PDILT: variants seen among roughly 807,000 people sequenced by gnomAD.
The protein encoded by PDILT is protein disulfide isomerase like, testis expressed, also known as protein disulfide-isomerase-like protein of the testis.
Under a neutral mutation model 53.7 loss-of-function variants are expected in PDILT, and 43 were observed. The ratio of observed to expected loss-of-function variants is 0.80; its 90% CI spans 0.63 to 1.03. The LOEUF is 1.03. Among genes scored for constraint, PDILT ranks in the 50% least tolerant of loss-of-function variants. The probability of loss-of-function intolerance (pLI) is 0.00; values close to 1 mark genes in which losing one functional copy is unlikely to be tolerated. For synonymous variants in PDILT, 282 were observed against 274.2 expected (o/e 1.03, Z -0.28); for missense variants, 727 against 712.3 (o/e 1.02, Z -0.24).
At chr16:20,376,350 T>C (rs1161073555) in intron 3 of PDILT, 149 bp from the exon 4 acceptor site, 1 of 845,126 alleles carries the variant, frequency 1.2e-6, no homozygotes, top group Non-Finnish European at 1.8e-6. Context: ...CATTCCCCTC[T>C]TCCCCAAGCT....
intron 11 of PDILT, among the ~76,000 whole-genome samples, chr16:20,360,197 G>A (rs1966077393): frequency 1.3e-5 from 2 of 152,136 alleles, no homozygotes; most frequent in South Asian, 4.1e-4. Context: ...TCCAGCAGAG[G>A]GCCTCACTGA....
In PDILT at chr16:20,359,356, A is replaced by G; in HGVS notation, c.1718T>C (p.Val573Ala). The G allele has an allele frequency of 6.2e-7, 1 of 1,614,128 alleles. No individual in the cohort carries two copies. The highest frequency in any genetic ancestry group is 8.5e-7 in the Non-Finnish European group (1 of 1,180,040). Reference protein sequence around the residue: ...VVVAKPKGPPVQKKKPKVKEE... With the variant: ...VVVAKPKGPPAQKKKPKVKEE... ...CTTGACTTTTGGTTTCTTCTTTTGC[A>G]CTGGAGGTCCCTTTGGCTTAGCCAC... The change falls in exon 12 of 12, where the codon GTG becomes GCG. Residue 573 changes from valine (V) to alanine (A), a missense_variant. Physicochemically the swap from Val to Ala is moderately conservative, Grantham distance 64. Transcript: ENST00000302451.
chr16:20,376,195 A>T lies in PDILT; in HGVS notation c.416T>A (p.Val139Asp), dbSNP rs200629155. Residue 139 changes from valine to aspartate, a missense_variant, in exon 4 of 12, where the codon GTT becomes GAT. Val to Asp is a radical substitution (Grantham distance 152, BLOSUM62 -3). Coordinates refer to ENST00000302451, the MANE Select transcript of PDILT (RefSeq NM_174924.2). Reference protein sequence around the residue: ...RSEPISCKGVVESAALVVWLR... With the variant: ...RSEPISCKGVDESAALVVWLR... ...CCAAACGACTAAGGCAGCAGATTCA[A>T]CCACTCCTGGAGAAAGACACAGTCA... is the stretch of plus-strand genomic sequence containing the variant. 20 of 1,614,154 alleles carry T rather than the reference A, an allele frequency of 1.2e-5. No homozygotes were observed. The Admixed American group carries it at 3.2e-4, about 26-fold the overall frequency.
At chr16:20,375,457 G>A (rs1379440556) in intron 4 of PDILT, among the ~76,000 whole-genome samples, 3 of 152,190 alleles carry the variant, frequency 2.0e-5, no homozygotes, top group East Asian at 3.8e-4. Flanking sequence ...CTACTGGGAG[G>A]AGAGAAGTCA....
chr16:20,368,601 T>G (rs1001980800), intron 8 of PDILT, among the ~76,000 whole-genome samples: 1 of 110,570 alleles, frequency 9.0e-6, no homozygotes, highest in Non-Finnish European at 2.3e-5. Flanking sequence ...AGACTTTTTT[T>G]GGGGGGGTGG....
chr16:20,384,552 G>A, intron 3 of PDILT, 93 bp downstream of exon 3: 1 of 1,471,200 alleles, frequency 6.8e-7, no homozygotes, highest in Non-Finnish European at 9.4e-7. Context: ...TCCCCGAGAA[G>A]CTGCATGGAG....
intron 2 of PDILT, among the ~76,000 whole-genome samples, chr16:20,388,527 A>G (rs552993812): frequency 2.6e-5 from 4 of 152,352 alleles, no homozygotes; most frequent in Non-Finnish European, 5.9e-5. Context: ...CTTCTGTTCC[A>G]GGTGGTTCCC....
intron 7 of PDILT, among the ~76,000 whole-genome samples, chr16:20,370,454 C>G (rs1275002396): frequency 6.6e-6 from 1 of 152,158 alleles, no homozygotes; most frequent in Admixed American, 6.5e-5. Context: ...CACATTTCAG[C>G]TGGGACATAG....
intron 11 of PDILT, 29 bp from the exon 12 acceptor site, chr16:20,359,596 G>T: frequency 6.3e-7 from 1 of 1,589,350 alleles, no homozygotes; most frequent in South Asian, 1.1e-5. Flanking sequence ...AAGGAAGAAG[G>T]GAGGGAGGGA....
Position 20,374,919 on chromosome 16 carries a change from A to C in PDILT, c.584T>G (p.Ile195Ser), listed in dbSNP as rs573859149. ...AAACGTTAGCTCTGGAAAGTCTTTG[A>C]TCACATCATAGAACAACTCTGCTAC... ...EEVAELFYDVIKDFPELTFGV... is the reference protein window; with the variant it reads ...EEVAELFYDVSKDFPELTFGV... The change falls in exon 5 of 12, where the codon ATC becomes AGC. Residue 195 changes from isoleucine to serine, a missense_variant. Physicochemically the swap from Ile to Ser is moderately radical, Grantham distance 142 (BLOSUM62 -2). Coordinates refer to ENST00000302451, the MANE Select transcript of PDILT (RefSeq NM_174924.2). 2 of 1,614,042 alleles carry C rather than the reference A, an allele frequency of 1.2e-6. No homozygotes were observed. Among genetic ancestry groups the C allele is most frequent in the Non-Finnish European group, 1.7e-6 (2 of 1,179,952 alleles).
intron 8 of PDILT, among the ~76,000 whole-genome samples, chr16:20,366,965 TTCCTTC>T (rs1966202789): frequency 2.0e-5 from 3 of 147,174 alleles, no homozygotes; most frequent in African/African-American, 7.6e-5. Flanking sequence ...CCTTCCTTCC[TTCCTTC>T]CTTCCTTCCT....
intron 10 of PDILT, among the ~76,000 whole-genome samples, chr16:20,361,988 G>A (rs560911252): frequency 1.3e-5 from 2 of 152,288 alleles, no homozygotes; most frequent in South Asian, 2.1e-4. Context: ...ATCCCAAGGT[G>A]GAAATGACAT....
chr16:20,385,533 A>G (rs554131814), intron 2 of PDILT, among the ~76,000 whole-genome samples: 2 of 152,320 alleles, frequency 1.3e-5, no homozygotes, highest in South Asian at 4.1e-4. Context: ...GACCCAAGCA[A>G]TGATTACACA....
Position 20,387,631 on chromosome 16 carries a change from T to C in PDILT, c.203-2780A>G, listed in dbSNP as rs140535724. ...TTTTTCTTTTCTTTTTTCTTTTTTCTTTTTTTTTTAGACGGATCTTGTTCT... is the reference window on the plus strand; with the variant it reads ...TTTTTCTTTTCTTTTTTCTTTTTTCCTTTTTTTTTAGACGGATCTTGTTCT... On this transcript the variant is annotated intron_variant, in intron 2 of 11. Transcript: ENST00000302451. Among the ~76,000 whole-genome samples, 807 of 148,938 alleles carry C rather than the reference T, an allele frequency of 5.4e-3. 15 individuals are homozygous for C. The South Asian group carries it at 0.063, about 12-fold the overall frequency.
chr16:20,394,225 A>G (rs936978081), intron 2 of PDILT, among the ~76,000 whole-genome samples: 2 of 152,194 alleles, frequency 1.3e-5, no homozygotes, highest in Non-Finnish European at 2.9e-5. Context: ...AGCCAAGGCA[A>G]TCTCTTGGAG....
At chr16:20,359,858 C>T (rs924860773) in intron 11 of PDILT, among the ~76,000 whole-genome samples, 2 of 152,202 alleles carry the variant, frequency 1.3e-5, no homozygotes, top group African/African-American at 4.8e-5. Flanking sequence ...AGCTCCAGGA[C>T]TGGACAGGTG....
intron 1 of PDILT, among the ~76,000 whole-genome samples, chr16:20,402,946 G>A (rs775962314): frequency 5.9e-5 from 9 of 152,108 alleles, no homozygotes; most frequent in Admixed American, 4.6e-4. Flanking sequence ...CTGTGGCTCC[G>A]CTGTGTCCCC....
intron 3 of PDILT, among the ~76,000 whole-genome samples, chr16:20,382,466 A>T (rs1051734822): frequency 6.6e-6 from 1 of 152,174 alleles, no homozygotes; most frequent in Non-Finnish European, 1.5e-5. Flanking sequence ...TACAACAGAG[A>T]CTGCCTGGCC....
In PDILT at chr16:20,373,109, T is replaced by C; in HGVS notation, c.695A>G (p.Asn232Ser). The change falls in exon 6 of 12, where the codon AAC (asparagine) becomes AGC (serine). Residue 232 changes from asparagine (N) to serine (S), a missense_variant. Transcript: ENST00000302451. ...ACTGTCATTAATAAGCTTTTGGCGG[T>C]TCACAATTTTTCCCTTGTACAAAAG... ...VLVFKKGKIV[N>S]RQKLINDSTN... is the part of the protein sequence containing the mutation. The C allele has an allele frequency of 6.2e-7, 1 of 1,613,964 alleles. No homozygotes were observed. Among genetic ancestry groups the C allele is most frequent in the Non-Finnish European group, 8.5e-7 (1 of 1,179,828 alleles).
Sources: allele counts gnomAD v4.1 joint callset (sites outside exome capture counted in the v4.1 genomes callset), GRCh38; gene constraint gnomAD v4.1.1; transcripts MANE v1.5; gene names NCBI Gene and HGNC (gene_info 2026-07-23, HGNC 2026-07-21).